Variants in DBF4 observed in about 807,000 individuals in gnomAD.
The protein encoded by DBF4 is protein DBF4 homolog A.
In DBF4, 25 loss-of-function variants were observed where a neutral mutation model predicts 76.6. That is an observed-to-expected ratio of 0.33 (90% CI 0.24 to 0.46). DBF4 has a LOEUF of 0.46. DBF4 is among the 20% of genes least tolerant of loss of function. The pLI, the probability that DBF4 is intolerant of heterozygous loss-of-function variation, is 1.00. For synonymous variants in DBF4, 213 were observed against 258.0 expected (o/e 0.83, Z 1.67); for missense variants, 638 against 760.8 (o/e 0.84, Z 1.90).
At chr7:87,884,281 A>G (rs1839290322) in intron 2 of DBF4, among the ~76,000 whole-genome samples, 1 of 152,222 alleles carries the variant, frequency 6.6e-6, no homozygotes, top group Admixed American at 6.5e-5. Flanking sequence ...ACTCTCAGGT[A>G]CTTGGGAGGT....
intron 6 of DBF4, chr7:87,888,396 T>C: frequency 1.2e-6 from 1 of 845,826 alleles, no homozygotes; most frequent in Non-Finnish European, 1.4e-6. Context: ...TTTTGGAATA[T>C]AAATATGTAC....
chr7:87,900,419 G>A, intron 9 of DBF4, 70 bp downstream of exon 9: 1 of 1,486,082 alleles, frequency 6.7e-7, no homozygotes, highest in Non-Finnish European at 9.1e-7. Context: ...GTAAAGATTT[G>A]AAATAGTTTC....
At chr7:87,897,958 A>G (rs898707498) in intron 8 of DBF4, among the ~76,000 whole-genome samples, 2 of 152,084 alleles carry the variant, frequency 1.3e-5, no homozygotes, top group African/African-American at 2.4e-5. Flanking sequence ...TTGTATTTTT[A>G]GTAGAGATGG....
At chr7:87,901,942 T>C (rs1303763231) in intron 10 of DBF4, among the ~76,000 whole-genome samples, 2 of 152,212 alleles carry the variant, frequency 1.3e-5, no homozygotes, top group Admixed American at 6.5e-5. Context: ...TAAACCAAAA[T>C]ATATTAGTGT....
intron 6 of DBF4, among the ~76,000 whole-genome samples, chr7:87,889,764 G>A (rs896989654): frequency 1.3e-5 from 2 of 152,128 alleles, no homozygotes; most frequent in Non-Finnish European, 2.9e-5. Flanking sequence ...AAAATGATTT[G>A]GAAAACTGGT....
rs1476704 is a variant in DBF4, at chr7:87,885,029, G to A, written c.270G>A (p.Lys90=). ...SKDISYLISN[K]KEAKFAQTLG... ...ATATCAGTTATCTTATTTCAAATAAGAAGGAAGCTAAATTTGCACAAACCT... is the reference window on the plus strand; with the variant it reads ...ATATCAGTTATCTTATTTCAAATAAAAAGGAAGCTAAATTTGCACAAACCT... The change falls in exon 3 of 12, where the codon AAG becomes AAA. Residue 90 remains lysine (K), a synonymous_variant. Coordinates refer to ENST00000265728, the MANE Select transcript of DBF4 (RefSeq NM_006716.4). The A allele has an allele frequency of 3.1e-6, 5 of 1,613,328 alleles. No homozygotes were observed. The African/African-American group carries it at 5.3e-5, about 17-fold the overall frequency.
In DBF4 at chr7:87,906,155, C is replaced by CA. The variant is rs1231579889; in HGVS notation, c.1050-1024dup. ...CCTGGTTGACAGAGAGACTCTGTCTCAAAAAAAAACAAAAAACAAAAAAAC... is the reference window on the plus strand; with the variant it reads ...CCTGGTTGACAGAGAGACTCTGTCTCAAAAAAAAAACAAAAAACAAAAAAAC... On this transcript the variant is annotated intron_variant, in intron 11 of 11. Transcript: ENST00000265728. Among the ~76,000 whole-genome samples, 766 of 145,708 alleles carry CA rather than the reference C, an allele frequency of 5.3e-3. 7 individuals are homozygous for CA. Among genetic ancestry groups the CA allele is most frequent in the African/African-American group, 0.018 (726 of 39,378 alleles).
chr7:87,881,718 ATTC>A (rs1839217336), intron 2 of DBF4, among the ~76,000 whole-genome samples: 1 of 152,246 alleles, frequency 6.6e-6, no homozygotes, highest in Admixed American at 6.5e-5. Context: ...CCCTCTAGGT[ATTC>A]TTTGTCTAGT....
chr7:87,906,746 C>T (rs1236885304), intron 11 of DBF4, among the ~76,000 whole-genome samples: 1 of 152,074 alleles, frequency 6.6e-6, no homozygotes, highest in African/African-American at 2.4e-5. Flanking sequence ...TACTTATTCT[C>T]CACATTGCTA....
chr7:87,884,322 T>G (rs1402584908), intron 2 of DBF4, among the ~76,000 whole-genome samples: 1 of 152,080 alleles, frequency 6.6e-6, no homozygotes, highest in Non-Finnish European at 1.5e-5. Context: ...AGCCCAAGAG[T>G]TCAGGGCCAA....
intron 9 of DBF4, among the ~76,000 whole-genome samples, 199 bp from the exon 10 acceptor site, chr7:87,900,565 A>G (rs1406737002): frequency 2.6e-5 from 4 of 151,994 alleles, no homozygotes; most frequent in Non-Finnish European, 5.9e-5. Flanking sequence ...ATCTTGAATG[A>G]TCTGAAATAT....
chr7:87,896,453 T>C, intron 6 of DBF4, 21 bp from the exon 7 acceptor site: 1 of 1,606,614 alleles, frequency 6.2e-7, no homozygotes, highest in Non-Finnish European at 8.5e-7. Context: ...GCCAATCTTT[T>C]CACTATATAT....
intron 6 of DBF4, among the ~76,000 whole-genome samples, chr7:87,890,163 G>T (rs1839449355): frequency 6.6e-6 from 1 of 152,134 alleles, no homozygotes; most frequent in African/African-American, 2.4e-5. Context: ...TATTTCTGTG[G>T]TATTTTCATT....
intron 10 of DBF4, among the ~76,000 whole-genome samples, chr7:87,903,321 C>T (rs1370307247): frequency 6.6e-6 from 1 of 152,200 alleles, no homozygotes; most frequent in Non-Finnish European, 1.5e-5. Context: ...TCAGGTGATC[C>T]GCCCTCCTTG....
intron 6 of DBF4, among the ~76,000 whole-genome samples, chr7:87,891,803 TG>T (rs1839498920): frequency 6.6e-6 from 1 of 152,336 alleles, no homozygotes; most frequent in Admixed American, 6.5e-5. Context: ...TCTTTTCTTC[TG>T]CCTATTTTGG....
chr7:87,883,363 A>G (rs936262183), intron 2 of DBF4, among the ~76,000 whole-genome samples: 2 of 152,214 alleles, frequency 1.3e-5, no homozygotes, highest in African/African-American at 4.8e-5. Flanking sequence ...TGATGGTTGC[A>G]TAATGTGAGT....
chr7:87,900,399 A>G, intron 9 of DBF4, 50 bp downstream of exon 9: 1 of 1,539,128 alleles, frequency 6.5e-7, no homozygotes, highest in Non-Finnish European at 8.7e-7. Context: ...TTTCATCTCA[A>G]TTTTTCTTTG....
rs1338949741 is a variant in DBF4, at chr7:87,908,729, C to T, written c.*566C>T. On this transcript the variant is annotated 3_prime_UTR_variant, in exon 12 of 12. Coordinates refer to ENST00000265728, the MANE Select transcript of DBF4 (RefSeq NM_006716.4). ...TGAAGGAAGGACTTAACCAGGCTACCAAGTGGAATATAATTTATCTGCTAT... is the reference window on the plus strand; with the variant it reads ...TGAAGGAAGGACTTAACCAGGCTACTAAGTGGAATATAATTTATCTGCTAT... 6.6e-6 allele frequency: 1 copy of T among 151,878 alleles called. No homozygotes were observed. Among genetic ancestry groups the T allele is most frequent in the Admixed American group, 6.6e-5 (1 of 15,240 alleles). 9.4% of individuals were successfully genotyped at this position (151,878 alleles called of 1,614,324 possible). A position where few individuals can be genotyped will look rare whatever the true frequency, so the allele number is the denominator to read the frequency against.
chr7:87,901,205 G>A (rs1041198156), intron 10 of DBF4, among the ~76,000 whole-genome samples: 2 of 152,154 alleles, frequency 1.3e-5, no homozygotes, highest in African/African-American at 4.8e-5. Context: ...TATTAGATCA[G>A]TGCTATGAAA....
Sources: gnomAD v4.1 joint callset for allele counts (sites outside exome capture counted in the v4.1 genomes callset) on GRCh38, gnomAD v4.1.1 for gene constraint, MANE v1.5 for transcripts, NCBI Gene and HGNC (gene_info 2026-07-23, HGNC 2026-07-21) for gene names.